The following ARHGAP24 variants were observed in gnomAD, a reference collection of about 807,000 sequenced individuals.
ARHGAP24 encodes rho GTPase-activating protein 24.
Under a neutral mutation model 76.4 loss-of-function variants are expected in ARHGAP24, and 50 were observed. The ratio of observed to expected loss-of-function variants is 0.65; its 90% CI spans 0.52 to 0.83. The LOEUF is 0.83. Ranked by LOEUF, ARHGAP24 falls within the 40% of genes least tolerant of loss-of-function variation. ARHGAP24 has a pLI of 0.00. For missense variants in ARHGAP24, 930 were observed against 914.2 expected (o/e 1.02, Z -0.22); for synonymous variants, 345 against 323.3 (o/e 1.07, Z -0.72).
intron 2 of ARHGAP24, among the ~76,000 whole-genome samples, chr4:85,633,250 A>G (rs1384132): frequency 0.33 from 49,950 of 151,630 alleles, 9,268 homozygotes; most frequent in East Asian, 0.84. Context: ...CTTATGGGTT[A>G]TCTGTCAGTC....
At chr4:85,607,821 T>C (rs2109993102) in intron 2 of ARHGAP24, among the ~76,000 whole-genome samples, 1 of 149,768 alleles carries the variant, frequency 6.7e-6, no homozygotes, top group African/African-American at 2.5e-5. Flanking sequence ...TTTCTCAGGG[T>C]TTAGCCCCTT....
chr4:85,504,256 A>C (rs1723941836), intron 1 of ARHGAP24, among the ~76,000 whole-genome samples: 1 of 152,200 alleles, frequency 6.6e-6, no homozygotes, highest in Non-Finnish European at 1.5e-5. Flanking sequence ...AGCTGAGTTC[A>C]AGTCCTGGAT....
intron 2 of ARHGAP24, among the ~76,000 whole-genome samples, chr4:85,689,341 T>G (rs1309012711): frequency 1.3e-5 from 2 of 152,218 alleles, no homozygotes; most frequent in Non-Finnish European, 2.9e-5. Flanking sequence ...GATTTGATGC[T>G]CAGCCTGGAT....
At chr4:85,852,337 T>A (rs1386603289) in intron 3 of ARHGAP24, among the ~76,000 whole-genome samples, 1 of 152,228 alleles carries the variant, frequency 6.6e-6, no homozygotes, top group Non-Finnish European at 1.5e-5. Flanking sequence ...TTACTCTAGT[T>A]AGCCTTTTGT....
At chr4:85,868,323 CT>C (rs1435878367) in intron 3 of ARHGAP24, among the ~76,000 whole-genome samples, 1 of 152,026 alleles carries the variant, frequency 6.6e-6, no homozygotes, top group Non-Finnish European at 1.5e-5. Flanking sequence ...GGTGGCCCCC[CT>C]AAGAGGCAAT....
chr4:85,540,945 A>T (rs1487865161), intron 1 of ARHGAP24, among the ~76,000 whole-genome samples: 1 of 152,102 alleles, frequency 6.6e-6, no homozygotes, highest in Non-Finnish European at 1.5e-5. Flanking sequence ...GTTACTGTGC[A>T]GTTTACTAAA....
intron 3 of ARHGAP24, among the ~76,000 whole-genome samples, chr4:85,845,459 C>A (rs1480345642): frequency 1.3e-5 from 2 of 152,130 alleles, no homozygotes; most frequent in African/African-American, 2.4e-5. Context: ...GTCTTACTCC[C>A]AAACTATAGG....
chr4:85,995,414 A>C lies in ARHGAP24; in HGVS notation c.1760A>C (p.Asn587Thr). The C allele has an allele frequency of 1.2e-5, 19 of 1,612,462 alleles. No individual in the cohort carries two copies. The highest frequency in any genetic ancestry group is 1.6e-5 in the Non-Finnish European group (19 of 1,178,714). The change falls in exon 9 of 10, where the codon AAC becomes ACC. Residue 587 changes from asparagine (N) to threonine (T), a missense_variant. Asn to Thr is a moderately conservative substitution (Grantham distance 65). Transcript: ENST00000395184. ...TCPEQDFFGGNFEDPVLDGPP... is the reference protein window; with the variant it reads ...TCPEQDFFGGTFEDPVLDGPP... Reference sequence around the variant, plus strand: ...CCAGAGCAAGACTTTTTTGGGGGGAACTTTGAGGACCCTGTTTTGGATGGG... The same window carrying C: ...CCAGAGCAAGACTTTTTTGGGGGGACCTTTGAGGACCCTGTTTTGGATGGG...
chr4:85,780,464 G>A (rs13120732), intron 3 of ARHGAP24, among the ~76,000 whole-genome samples: 24,763 of 151,894 alleles, frequency 0.16, 2,087 homozygotes, highest in South Asian at 0.21. Flanking sequence ...GAGCCACTGC[G>A]CCCAGCCTTT....
intron 2 of ARHGAP24, among the ~76,000 whole-genome samples, chr4:85,614,880 G>A (rs540530910): frequency 1.3e-5 from 2 of 152,146 alleles, no homozygotes; most frequent in East Asian, 3.9e-4. Flanking sequence ...GGCCATCAGA[G>A]TCACACGAAT....
At chr4:85,825,117 AAAAAGAAAAG>A (rs752552974) in intron 3 of ARHGAP24, among the ~76,000 whole-genome samples, 4 of 152,160 alleles carry the variant, frequency 2.6e-5, no homozygotes, top group South Asian at 4.1e-4. Flanking sequence ...CAAAACAAAA[AAAAAGAAAAG>A]AAAAGAAAAG....
intron 2 of ARHGAP24, among the ~76,000 whole-genome samples, chr4:85,664,835 C>G (rs989113456): frequency 3.3e-5 from 5 of 152,144 alleles, no homozygotes; most frequent in African/African-American, 1.2e-4. Flanking sequence ...GAGTGAGTTT[C>G]TTAATCCTGA....
chr4:85,495,202 C>G (rs555809344), intron 1 of ARHGAP24, among the ~76,000 whole-genome samples: 1 of 151,392 alleles, frequency 6.6e-6, no homozygotes, highest in African/African-American at 2.4e-5. Flanking sequence ...CGAGTATGAA[C>G]AGTATCTTTA....
At chr4:85,863,425 T>C (rs545871179) in intron 3 of ARHGAP24, among the ~76,000 whole-genome samples, 2 of 152,200 alleles carry the variant, frequency 1.3e-5, no homozygotes, top group African/African-American at 4.8e-5. Flanking sequence ...ATAATCTTTT[T>C]AAAAAAATCA....
At chr4:85,526,589 C>T (rs535599087) in intron 1 of ARHGAP24, among the ~76,000 whole-genome samples, 1 of 151,974 alleles carries the variant, frequency 6.6e-6, no homozygotes, top group East Asian at 1.9e-4. Context: ...GGGAGAAGGA[C>T]AGTTCATGGG....
rs113186469 is a variant in ARHGAP24, at chr4:85,715,770, C to T, written c.181-6115C>T. Among the ~76,000 whole-genome samples, 1,089 of 152,090 alleles carry T rather than the reference C, an allele frequency of 7.2e-3. 17 individuals carry two copies. The highest frequency in any genetic ancestry group is 0.024 in the African/African-American group (987 of 41,524). On this transcript the variant is annotated intron_variant, in intron 2 of 9. Coordinates refer to ENST00000395184, the MANE Select transcript of ARHGAP24 (RefSeq NM_001025616.3). ...ATACCTGTTTTCAATTTTCTGCCTT[C>T]CCCGAGTAATTTTTGGATATAGGAA...
chr4:85,951,982 GTTA>G (rs1737645443), intron 5 of ARHGAP24, among the ~76,000 whole-genome samples: 1 of 149,778 alleles, frequency 6.7e-6, no homozygotes, highest in Non-Finnish European at 1.5e-5. Context: ...ATACCATAAA[GTTA>G]TTAAGTTTAA....
At chr4:85,924,988 G>A (rs1031198308) in intron 4 of ARHGAP24, among the ~76,000 whole-genome samples, 5 of 152,068 alleles carry the variant, frequency 3.3e-5, no homozygotes, top group African/African-American at 1.2e-4. Context: ...CAACACATAC[G>A]GTTACCTTAT....
chr4:85,495,384 TC>T, intron 1 of ARHGAP24, among the ~76,000 whole-genome samples: 1 of 121,604 alleles, frequency 8.2e-6, no homozygotes, highest in East Asian at 3.0e-4. Context: ...GGAGTCTCAC[TC>T]TGTTGCCCAG....
Sources: allele counts gnomAD v4.1 joint callset (sites outside exome capture counted in the v4.1 genomes callset), GRCh38; gene constraint gnomAD v4.1.1; transcripts MANE v1.5; gene names NCBI Gene and HGNC (gene_info 2026-07-23, HGNC 2026-07-21).